The following LDLRAD4 variants were observed in gnomAD, a reference collection of about 807,000 sequenced individuals.
LDLRAD4 encodes low density lipoprotein receptor class A domain containing 4.
LDLRAD4 carries 5 observed loss-of-function variants against 17.0 expected under a neutral mutation model. The ratio of observed to expected loss-of-function variants is 0.29; its 90% CI spans 0.15 to 0.62. The LOEUF (loss-of-function observed/expected upper bound fraction) is 0.62, where lower values mean the gene tolerates loss of function less well. Among genes scored for constraint, LDLRAD4 ranks in the 20% least tolerant of loss-of-function variants. The pLI is 0.84. For missense variants in LDLRAD4, 340 were observed against 424.7 expected, an observed-to-expected ratio of 0.80 and a Z score of 1.75; for synonymous variants, 168 against 171.8, an observed-to-expected ratio of 0.98 and a Z score of 0.17.
chr18:13,471,743 G>A (rs1402634476), intron 3 of LDLRAD4: 2 of 152,412 alleles, frequency 1.3e-5, no homozygotes, highest in African/African-American at 4.8e-5. Context: ...TGGTACCTGG[G>A]ATGGCCCCGT....
chr18:13,234,656 A>G (rs1304033043), intron 1 of LDLRAD4, among the ~76,000 whole-genome samples: 2 of 152,162 alleles, frequency 1.3e-5, no homozygotes, highest in Non-Finnish European at 2.9e-5. Flanking sequence ...CCTCAGTGCA[A>G]ACAGAAAGTC....
chr18:13,509,456 G>A (rs2093744312), intron 3 of LDLRAD4, among the ~76,000 whole-genome samples: 1 of 152,210 alleles, frequency 6.6e-6, no homozygotes, highest in Admixed American at 6.5e-5. Context: ...TAGAAGTGGA[G>A]CCTGAAGATG....
chr18:13,310,627 C>T (rs1235891449), intron 1 of LDLRAD4, among the ~76,000 whole-genome samples: 1 of 152,158 alleles, frequency 6.6e-6, no homozygotes, highest in Admixed American at 6.5e-5. Context: ...TTCACCTCCT[C>T]TTCCTCCCTC....
chr18:13,616,852 C>T (rs2040131139), intron 3 of LDLRAD4, among the ~76,000 whole-genome samples: 1 of 152,200 alleles, frequency 6.6e-6, no homozygotes, highest in African/African-American at 2.4e-5. Context: ...AGTGTTCCTG[C>T]TCCCACAGCC....
At chr18:13,346,065 G>A (rs2082668653) in intron 1 of LDLRAD4, among the ~76,000 whole-genome samples, 1 of 152,018 alleles carries the variant, frequency 6.6e-6, no homozygotes, top group Admixed American at 6.5e-5. Context: ...AGGGTTTTTT[G>A]TGTCTCTATT....
intron 1 of LDLRAD4, among the ~76,000 whole-genome samples, chr18:13,260,688 G>A: frequency 6.6e-6 from 1 of 152,168 alleles, no homozygotes; most frequent in East Asian, 1.9e-4. Flanking sequence ...CCTTACAGAT[G>A]TCTGTCTTTC....
chr18:13,299,664 C>G (rs1375762534), intron 1 of LDLRAD4, among the ~76,000 whole-genome samples: 2 of 152,024 alleles, frequency 1.3e-5, no homozygotes, highest in African/African-American at 4.8e-5. Context: ...GACAACACAG[C>G]AAGACCCCAT....
At chr18:13,575,640 A>C (rs549485526) in intron 3 of LDLRAD4, among the ~76,000 whole-genome samples, 12 of 152,338 alleles carry the variant, frequency 7.9e-5, no homozygotes, top group South Asian at 6.2e-4. Context: ...TTCTTTAAAG[A>C]ATCTCCACAT....
At chr18:13,318,316 C>T (rs1250172279) in intron 1 of LDLRAD4, among the ~76,000 whole-genome samples, 11 of 151,942 alleles carry the variant, frequency 7.2e-5, no homozygotes, top group African/African-American at 1.7e-4. Context: ...GGCTGGAGTG[C>T]GGTGGCATGA....
At chr18:13,650,234 T>C in exon 6 of LDLRAD4, 1 of 402,414 alleles carries the variant, frequency 2.5e-6, no homozygotes, top group Non-Finnish European at 4.3e-6. Flanking sequence ...ACTGCCAGGG[T>C]CAGACAGTCA....
intron 4 of LDLRAD4, chr18:13,642,617 T>C (rs1355479385): frequency 8.1e-7 from 1 of 1,230,338 alleles, no homozygotes; most frequent in Non-Finnish European, 1.0e-6. Context: ...GAGCGCGGAC[T>C]TGCGCCTCTG....
At chr18:13,434,198 T>G (rs7239707) in intron 2 of LDLRAD4, among the ~76,000 whole-genome samples, 74,046 of 151,442 alleles carry the variant, frequency 0.49, 18,128 homozygotes, top group South Asian at 0.53. Flanking sequence ...CCAGAAGTGT[T>G]TACAGCGATT....
At chr18:13,421,700 C>T (rs754095719) in intron 2 of LDLRAD4, among the ~76,000 whole-genome samples, 11 of 152,330 alleles carry the variant, frequency 7.2e-5, no homozygotes, top group South Asian at 4.1e-4. Context: ...CCCCTGCCCC[C>T]CACCCACCGC....
chr18:13,218,903 A>AG (rs1419398517), exon 1 of LDLRAD4: 1 of 152,328 alleles, frequency 6.6e-6, no homozygotes, highest in Non-Finnish European at 1.5e-5. Flanking sequence ...GCCTTTGTGA[A>AG]GGGGTCTGCC....
chr18:13,652,098 C>T (rs529869314), exon 6 of LDLRAD4: 1 of 152,298 alleles, frequency 6.6e-6, no homozygotes, highest in Non-Finnish European at 1.5e-5. Flanking sequence ...AACTGAGGCT[C>T]ACTGTTGTCA....
chr18:13,434,380 A>G (rs1479733530), intron 2 of LDLRAD4, among the ~76,000 whole-genome samples: 3 of 152,114 alleles, frequency 2.0e-5, no homozygotes, highest in Non-Finnish European at 2.9e-5. Context: ...TAATACGTCT[A>G]TAGCTCCTGG....
Position 13,367,491 on chromosome 18 carries a change from A to C in LDLRAD4, c.-382-19850A>C, listed in dbSNP as rs1261843513. Among the ~76,000 whole-genome samples the C allele has an allele frequency of 6.6e-6, 1 of 152,172 alleles. No homozygotes were observed. Among genetic ancestry groups the C allele is most frequent in the African/African-American group, 2.4e-5 (1 of 41,438 alleles). ...GAGGTGCACTGTATGCTCAGGAAGG[A>C]TTCAGTGCACACCAGGCAGCTTCCG... On this transcript the variant is annotated intron_variant, in intron 1 of 5. Coordinates refer to ENST00000359446, the Ensembl canonical transcript of LDLRAD4. The surrounding 1 kb of genome is among the most constrained non-coding windows in gnomAD (Gnocchi z 4.1).
At chr18:13,399,821 G>A (rs2087011709) in intron 2 of LDLRAD4, among the ~76,000 whole-genome samples, 1 of 152,242 alleles carries the variant, frequency 6.6e-6, no homozygotes, top group South Asian at 2.1e-4. Flanking sequence ...TCTTGAAGAT[G>A]CCTTGGTAAG....
chr18:13,489,873 G>C (rs1220624637), intron 3 of LDLRAD4: 1 of 152,242 alleles, frequency 6.6e-6, no homozygotes, highest in Non-Finnish European at 1.5e-5. Flanking sequence ...TGGGTTAGAA[G>C]AAGGAGGGAG....
Sources: gnomAD v4.1 joint callset for allele counts (sites outside exome capture counted in the v4.1 genomes callset) on GRCh38, gnomAD v4.1.1 for gene constraint, Gnocchi (gnomAD v3.1) non-coding constraint, MANE v1.5 for transcripts, NCBI Gene and HGNC (gene_info 2026-07-23, HGNC 2026-07-21) for gene names.